The following AKAP19 variants were observed in gnomAD, a reference collection of about 807,000 sequenced individuals.
AKAP19 encodes A-kinase anchoring protein 19.
At chr2:190,179,386 G>A in the AKAP19 span, among the ~76,000 whole-genome samples, 40 of 151,356 alleles carry the variant, frequency 2.6e-4, no homozygotes, top group East Asian at 1.9e-3. This position sits in a 1 kb window ranked among gnomAD's most constrained non-coding sequence, Gnocchi z 6.0. Context: ...CAGCCTGGGC[G>A]ACAAGAGCAA....
chr2:190,151,673 C>G, the AKAP19 span, among the ~76,000 whole-genome samples: 1 of 152,244 alleles, frequency 6.6e-6, no homozygotes, highest in South Asian at 2.1e-4. Flanking sequence ...ATGAACAAAC[C>G]AAGCAACTAT....
chr2:190,137,379 C>T, the AKAP19 span, among the ~76,000 whole-genome samples: 2 of 151,886 alleles, frequency 1.3e-5, no homozygotes, highest in Non-Finnish European at 2.9e-5. Context: ...TTTTTGTGAA[C>T]CAAAAAAAGA....
chr2:190,004,939 T>C, the AKAP19 span, among the ~76,000 whole-genome samples: 4 of 152,202 alleles, frequency 2.6e-5, no homozygotes, highest in African/African-American at 7.2e-5. Context: ...TTCCTTCCCA[T>C]GGGTTCTTGG....
the AKAP19 span, among the ~76,000 whole-genome samples, chr2:189,930,002 A>C: frequency 6.6e-6 from 1 of 152,194 alleles, no homozygotes; most frequent in Non-Finnish European, 1.5e-5. Flanking sequence ...CACAATTCCT[A>C]TGTACTGGAG....
At chr2:190,203,032 G>T in the AKAP19 span, 1 of 148,498 alleles carries the variant, frequency 6.7e-6, no homozygotes, top group South Asian at 2.3e-4. Flanking sequence ...TAGTCCCAAA[G>T]AAATAATTTG....
At chr2:189,998,611 C>G in the AKAP19 span, among the ~76,000 whole-genome samples, 3 of 151,954 alleles carry the variant, frequency 2.0e-5, no homozygotes, top group African/African-American at 7.2e-5. Flanking sequence ...TTAATGTACT[C>G]TTTTGGTGAT....
At chr2:190,187,896 T>G in the AKAP19 span, among the ~76,000 whole-genome samples, 1 of 152,210 alleles carries the variant, frequency 6.6e-6, no homozygotes, top group South Asian at 2.1e-4. Flanking sequence ...ACATTTTTTC[T>G]TTGACGGACC....
chr2:189,944,828 T>C, the AKAP19 span, among the ~76,000 whole-genome samples: 1 of 152,200 alleles, frequency 6.6e-6, no homozygotes, highest in South Asian at 2.1e-4. Context: ...TTCTCCAGAA[T>C]GGACCATATC....
the AKAP19 span, among the ~76,000 whole-genome samples, chr2:189,998,483 T>C: frequency 6.6e-6 from 1 of 152,222 alleles, no homozygotes; most frequent in Non-Finnish European, 1.5e-5. Context: ...TAAAATTAAT[T>C]TTTGGTAATT....
At chr2:190,020,745 TC>T in the AKAP19 span, among the ~76,000 whole-genome samples, 1 of 152,156 alleles carries the variant, frequency 6.6e-6, no homozygotes, top group Admixed American at 6.6e-5. Context: ...AAACACTAAC[TC>T]CCTATTCCCC....
chr2:190,132,079 A>G, the AKAP19 span, among the ~76,000 whole-genome samples: 1 of 152,212 alleles, frequency 6.6e-6, no homozygotes, highest in Non-Finnish European at 1.5e-5. Context: ...GCTACCAAAA[A>G]AATAGGAAGA....
the AKAP19 span, among the ~76,000 whole-genome samples, chr2:190,175,527 T>C: frequency 1.3e-5 from 2 of 152,222 alleles, no homozygotes; most frequent in African/African-American, 2.4e-5. Flanking sequence ...GCCGGACATT[T>C]AGTTACACCT....
At chr2:190,103,495 A>G in the AKAP19 span, among the ~76,000 whole-genome samples, 2 of 152,394 alleles carry the variant, frequency 1.3e-5, no homozygotes, top group East Asian at 3.8e-4. Context: ...GTAAAGTTTC[A>G]GGATACAAAA....
the AKAP19 span, among the ~76,000 whole-genome samples, chr2:190,191,006 T>C: frequency 1.3e-5 from 2 of 152,316 alleles, no homozygotes; most frequent in East Asian, 1.9e-4. Flanking sequence ...CAGAATGTCA[T>C]ATAAATAAGT....
At chr2:190,093,504 A>C in the AKAP19 span, among the ~76,000 whole-genome samples, 1 of 152,170 alleles carries the variant, frequency 6.6e-6, no homozygotes, top group African/African-American at 2.4e-5. Context: ...TCAGAAAATA[A>C]ACATTGTTGG....
chr2:190,119,629 A>G, the AKAP19 span, among the ~76,000 whole-genome samples: 1 of 152,202 alleles, frequency 6.6e-6, no homozygotes, highest in East Asian at 1.9e-4. Flanking sequence ...AGGGTGTAAG[A>G]GCCAGGGTTT....
the AKAP19 span, among the ~76,000 whole-genome samples, chr2:190,084,801 C>T: frequency 6.6e-6 from 1 of 152,166 alleles, no homozygotes; most frequent in Admixed American, 6.5e-5. Context: ...AGTTACTTAA[C>T]ATTCTGTAAA....
chr2:190,002,613 C>T, the AKAP19 span, among the ~76,000 whole-genome samples: 7 of 152,168 alleles, frequency 4.6e-5, no homozygotes, highest in Non-Finnish European at 1.0e-4. Context: ...TAGCTTCAGC[C>T]TCTTCATTCC....
At chr2:190,181,239 G>T in the AKAP19 span, 1 of 801,778 alleles carries the variant, frequency 1.2e-6, no homozygotes, top group Non-Finnish European at 1.5e-6. Flanking sequence ...AATTAAACGA[G>T]ACCGTTCTCA....
Sources: gnomAD v4.1 joint callset for allele counts (sites outside exome capture counted in the v4.1 genomes callset) on GRCh38, gnomAD v4.1.1 for gene constraint, Gnocchi (gnomAD v3.1) non-coding constraint, MANE v1.5 for transcripts, NCBI Gene and HGNC (gene_info 2026-07-23, HGNC 2026-07-21) for gene names.